TTC19: variants seen among roughly 807,000 people sequenced by gnomAD.
TTC19 encodes the protein tetratricopeptide repeat domain 19.
A neutral mutation model predicts 49.5 loss-of-function variants in TTC19; 38 were observed. The ratio of observed to expected loss-of-function variants is 0.77; its 90% confidence interval spans 0.59 to 1.01. The LOEUF is 1.01. TTC19 is among the 50% of genes least tolerant of loss of function. The pLI is 0.00. For missense variants in TTC19, 475 were observed against 477.7 expected, an observed-to-expected ratio of 0.99 and a Z score of 0.05; for synonymous variants, 204 against 185.2, an observed-to-expected ratio of 1.10 and a Z score of -0.83.
At chr17:16,018,165 A>G (rs772926227) in intron 7 of TTC19, among the ~76,000 whole-genome samples, 1 of 152,076 alleles carries the variant, frequency 6.6e-6, no homozygotes, top group African/African-American at 2.4e-5. Flanking sequence ...TAAATAGTCT[A>G]TTTTCTCCTG....
chr17:16,019,486 GCA>G (rs1597463294), intron 7 of TTC19, among the ~76,000 whole-genome samples: 1 of 152,196 alleles, frequency 6.6e-6, no homozygotes, highest in South Asian at 2.1e-4. Context: ...AGTTTTCTTA[GCA>G]CAGAGGCCCT....
At chr17:16,001,880 G>A in intron 2 of TTC19, 35 bp from the exon 3 acceptor site, 1 of 1,474,070 alleles carries the variant, frequency 6.8e-7, no homozygotes, top group Non-Finnish European at 9.5e-7. Context: ...TCTACTATAT[G>A]TTTCATTTTC....
downstream of TTC19, chr17:16,031,965 A>G (rs990369485): frequency 1.6e-5 from 5 of 317,210 alleles, no homozygotes; most frequent in African/African-American, 6.5e-5. Flanking sequence ...AAGGTCATCT[A>G]TTTACAGAAG....
chr17:16,025,300 C>T (rs1971517475), intron 8 of TTC19, 129 bp downstream of exon 8: 1 of 962,290 alleles, frequency 1.0e-6, no homozygotes, highest in Non-Finnish European at 1.6e-6. Context: ...CCAGTCTACT[C>T]ATTTTCTTAT....
chr17:16,000,532 GT>G, intron 2 of TTC19: 1 of 754,972 alleles, frequency 1.3e-6, no homozygotes, highest in Non-Finnish European at 1.8e-6. Context: ...TTTTGTAGTG[GT>G]TTTATCAATT....
At chr17:16,009,934 A>C (rs1971017097) in intron 7 of TTC19, among the ~76,000 whole-genome samples, 1 of 152,130 alleles carries the variant, frequency 6.6e-6, no homozygotes, top group Non-Finnish European at 1.5e-5. Flanking sequence ...TAGATATCAA[A>C]ATACAGGCAG....
intron 7 of TTC19, among the ~76,000 whole-genome samples, chr17:16,012,607 C>T (rs1323207268): frequency 6.6e-6 from 1 of 152,018 alleles, no homozygotes; most frequent in African/African-American, 2.4e-5. Flanking sequence ...GGCATGATCT[C>T]GGCTCACTGC....
downstream of TTC19, chr17:16,032,049 T>G: frequency 2.2e-6 from 1 of 457,718 alleles, no homozygotes; most frequent in Non-Finnish European, 3.8e-6. Flanking sequence ...AAACTCTACA[T>G]CTCAACCCTC....
In TTC19 at chr17:16,035,395, CA is replaced by C. The variant is rs372155491; in HGVS notation, c.247+8694del. Among the ~76,000 whole-genome samples the C allele has an allele frequency of 2.0e-5, 3 of 152,224 alleles. No individual in the cohort carries two copies. In the East Asian group the frequency reaches 5.8e-4, roughly 29 times the overall value. ...ATTTCAGCCATGTTCACAGCATCTT[CA>C]GGGGCAGATTCAATCTCAAGAAACC... On this transcript the variant is annotated intron_variant, in intron 2 of 2. Transcript: ENST00000470649.
chr17:16,000,278 G>A, intron 2 of TTC19, 33 bp downstream of exon 2: 1 of 1,592,530 alleles, frequency 6.3e-7, no homozygotes, highest in Non-Finnish European at 8.5e-7. Context: ...GCCCGGCCGA[G>A]CGCGGTAGCC....
At chr17:16,005,060 C>T (rs1408202899) in intron 6 of TTC19, among the ~76,000 whole-genome samples, 1 of 152,148 alleles carries the variant, frequency 6.6e-6, no homozygotes, top group African/African-American at 2.4e-5. Flanking sequence ...GGTATGAATC[C>T]CTAGGGTAAG....
Position 16,010,109 on chromosome 17 carries a change from G to A in TTC19, c.676+3541G>A, listed in dbSNP as rs1215128977. Among the ~76,000 whole-genome samples, 4 of 150,568 alleles carry A rather than the reference G, an allele frequency of 2.7e-5. 1 individual carries two copies. The highest frequency in any genetic ancestry group is 2.6e-4 in the Admixed American group (4 of 15,168). On this transcript the variant is annotated intron_variant, in intron 7 of 9. Transcript: ENST00000261647. ...TAATAGTACAAAGCTTAATTTAAGA[G>A]AGCATTTTCTTGGCTATCTCACCCA...
chr17:16,040,861 C>T (rs1463094678), intron 2 of TTC19: 1 of 204,286 alleles, frequency 4.9e-6, no homozygotes, highest in African/African-American at 2.4e-5. Flanking sequence ...GAGACTCTCC[C>T]ATCTGTTTAC....
chr17:16,015,936 C>T (rs1332003765), intron 7 of TTC19, among the ~76,000 whole-genome samples: 1 of 151,992 alleles, frequency 6.6e-6, no homozygotes, highest in Non-Finnish European at 1.5e-5. Flanking sequence ...TATAGTTTCT[C>T]CTTGGTTTTT....
At chr17:16,026,943 G>C in intron 9 of TTC19, 1 of 590,970 alleles carries the variant, frequency 1.7e-6, no homozygotes, top group South Asian at 1.9e-5. Context: ...AGAAAACCTT[G>C]CAATGATAGT....
rs930804408 is a variant in TTC19, at chr17:16,040,106, C to T, written c.248-4397C>T. On this transcript the variant is annotated intron_variant, in intron 2 of 2. Transcript: ENST00000470649. ...CACCCAGCCCAGAGACCATCTTAAT[C>T]CACAGATAACTCCTTAAGGAAATTT... is the stretch of plus-strand genomic sequence containing the variant. The T allele has an allele frequency of 6.1e-6, 3 of 492,080 alleles. No individual in the cohort carries two copies. The Admixed American group carries it at 6.9e-5, about 11-fold the overall frequency. 30.5% of individuals were successfully genotyped at this position (492,080 alleles called of 1,614,324 possible).
exon 3 of TTC19, chr17:16,044,901 G>A: frequency 1.4e-6 from 1 of 709,628 alleles, no homozygotes; most frequent in Non-Finnish European, 2.5e-6. Context: ...GAAAGTGGAA[G>A]CAAACAAAGA....
chr17:16,002,703 G>C (rs1970780184), intron 3 of TTC19, 90 bp from the exon 4 acceptor site: 1 of 1,242,094 alleles, frequency 8.1e-7, no homozygotes, highest in African/African-American at 1.5e-5. Flanking sequence ...TTTAAATTTT[G>C]AGGGTGAAAG....
chr17:16,025,895 A>G (rs1411362681), intron 8 of TTC19, among the ~76,000 whole-genome samples: 2 of 152,356 alleles, frequency 1.3e-5, no homozygotes, highest in East Asian at 3.9e-4. Flanking sequence ...AAAGGGATTT[A>G]TAACTTATTA....
Sources: allele counts gnomAD v4.1 joint callset (sites outside exome capture counted in the v4.1 genomes callset), GRCh38; gene constraint gnomAD v4.1.1; transcripts MANE v1.5; gene names NCBI Gene and HGNC (gene_info 2026-07-23, HGNC 2026-07-21).